The following SAMD4A variants were observed in gnomAD, a reference collection of about 807,000 sequenced individuals.
SAMD4A encodes sterile alpha motif domain containing 4A.
A neutral mutation model predicts 81.3 loss-of-function variants in SAMD4A; 33 were observed. That is an observed-to-expected ratio of 0.41 (90% CI 0.31 to 0.54). The LOEUF is 0.54. Ranked by LOEUF, SAMD4A falls within the 20% of genes least tolerant of loss-of-function variation. SAMD4A has a pLI of 0.37. For missense variants in SAMD4A, 854 were observed against 951.1 expected, an observed-to-expected ratio of 0.90 and a Z score of 1.34; for synonymous variants, 389 against 382.1, an observed-to-expected ratio of 1.02 and a Z score of -0.21.
intron 7 of SAMD4A, 128 bp downstream of exon 7, chr14:54,760,622 C>G (rs2038373050): frequency 7.5e-7 from 1 of 1,332,012 alleles, no homozygotes; most frequent in Non-Finnish European, 9.5e-7. Flanking sequence ...CTTCATCTTA[C>G]AGATAGGGAA....
chr14:54,776,390 T>C, intron 10 of SAMD4A, 24 bp from the exon 11 acceptor site: 1 of 1,584,342 alleles, frequency 6.3e-7, no homozygotes, highest in East Asian at 2.4e-5. Flanking sequence ...AACTAACAAG[T>C]TCCCCTTTTG....
At position 54,763,284 on chromosome 14, in the gene SAMD4A, G is replaced by A. The variant is rs1170643713; in HGVS notation, c.1511-1171G>A. On this transcript the variant is annotated intron_variant, in intron 7 of 12. Coordinates refer to ENST00000554335, the MANE Select transcript of SAMD4A (RefSeq NM_015589.6). Reference sequence around the variant, plus strand: ...AATCCCGGCACTTTGGGAGGCCAAAGTGAATCACTTGAGCCCAGGAGTTCA... The same window carrying A: ...AATCCCGGCACTTTGGGAGGCCAAAATGAATCACTTGAGCCCAGGAGTTCA... Among the ~76,000 whole-genome samples the A allele has an allele frequency of 3.3e-5, 5 of 151,986 alleles. No individual in the cohort carries two copies. In the East Asian group the frequency reaches 7.8e-4, roughly 24 times the overall value.
rs73273338 is a variant in SAMD4A at position 54,725,445 on chromosome 14, A to G, written c.716-11579A>G. On this transcript the variant is annotated intron_variant, in intron 3 of 12. Transcript: ENST00000554335. ...CAGAAGTTTGTCAGTATAGGTGAAG[A>G]TTTTGAAAGAGCAAGGTGAAGTTTC... Among the ~76,000 whole-genome samples the G allele has an allele frequency of 1.8e-3, 278 of 152,376 alleles. 1 individual carries two copies. Among genetic ancestry groups the G allele is most frequent in the African/African-American group, 6.3e-3 (262 of 41,598 alleles).
intron 6 of SAMD4A, among the ~76,000 whole-genome samples, chr14:54,754,254 C>T (rs1022545810): frequency 3.9e-5 from 6 of 152,184 alleles, no homozygotes; most frequent in African/African-American, 9.7e-5. Flanking sequence ...CCAGATTTTG[C>T]ACCTAGAATA....
Position 54,789,206 on chromosome 14 carries a change from A to C in SAMD4A, c.*262A>C. The C allele has an allele frequency of 5.5e-6, 2 of 365,590 alleles. No individual in the cohort carries two copies. Among genetic ancestry groups the C allele is most frequent in the African/African-American group, 2.2e-5 (1 of 45,472 alleles). The allele number at this position is 365,590 out of a possible 1,614,324, so 22.6% of individuals were successfully genotyped here. On this transcript the variant is annotated 3_prime_UTR_variant, in exon 13 of 13. Transcript: ENST00000554335. ...GGGGAGGGGTCTCTAGGGAATTATGAGACTGGGAGGGGGGTGGAGGGAATG... is the reference window on the plus strand; with the variant it reads ...GGGGAGGGGTCTCTAGGGAATTATGCGACTGGGAGGGGGGTGGAGGGAATG...
chr14:54,738,515 C>T (rs1242766796), intron 4 of SAMD4A, among the ~76,000 whole-genome samples: 1 of 152,154 alleles, frequency 6.6e-6, no homozygotes, highest in Non-Finnish European at 1.5e-5. Context: ...TGTCTTAATG[C>T]TGATACAAAT....
chr14:54,615,703 C>T (rs777435215), intron 2 of SAMD4A, among the ~76,000 whole-genome samples: 11 of 152,136 alleles, frequency 7.2e-5, no homozygotes, highest in East Asian at 1.9e-4. Flanking sequence ...TTAAATGAAC[C>T]GCATTTACTC....
chr14:54,698,477 G>T (rs2036629321), intron 2 of SAMD4A, among the ~76,000 whole-genome samples: 1 of 152,190 alleles, frequency 6.6e-6, no homozygotes, highest in East Asian at 1.9e-4. Flanking sequence ...GCCCATTTGT[G>T]CCCCTGTGCC....
chr14:54,740,621 C>A (rs115847138), intron 4 of SAMD4A, among the ~76,000 whole-genome samples: 176 of 152,302 alleles, frequency 1.2e-3, no homozygotes, highest in African/African-American at 4.1e-3. Context: ...GGCTACACAT[C>A]CTCCGTTAGG....
upstream of SAMD4A, among the ~76,000 whole-genome samples, chr14:54,566,211 C>A (rs1357951436): frequency 1.3e-5 from 2 of 151,306 alleles, no homozygotes; most frequent in Non-Finnish European, 3.0e-5. Context: ...GACGGCATGG[C>A]CCGCGGCCGG....
intron 5 of SAMD4A, 113 bp from the exon 6 acceptor site, chr14:54,751,338 C>T (rs573759912): frequency 3.0e-5 from 20 of 670,848 alleles, no homozygotes; most frequent in African/African-American, 7.3e-5. Context: ...TTGATCAGCC[C>T]GTGAACATAT....
intron 2 of SAMD4A, among the ~76,000 whole-genome samples, chr14:54,590,326 G>T (rs1296311005): frequency 6.6e-6 from 1 of 151,928 alleles, no homozygotes; most frequent in Non-Finnish European, 1.5e-5. Flanking sequence ...TCATCTCTAC[G>T]GAAAACAAAA....
chr14:54,583,614 T>G (rs1333205458), intron 2 of SAMD4A, among the ~76,000 whole-genome samples: 2 of 152,234 alleles, frequency 1.3e-5, no homozygotes, highest in African/African-American at 2.4e-5. Flanking sequence ...TTCTTTTCTC[T>G]GTAGTTGGCG....
intron 2 of SAMD4A, among the ~76,000 whole-genome samples, chr14:54,629,326 T>C (rs1377619487): frequency 6.6e-6 from 1 of 152,198 alleles, no homozygotes; most frequent in Non-Finnish European, 1.5e-5. Flanking sequence ...CCTGATTTGT[T>C]TTCAGAACTG....
chr14:54,590,672 G>C (rs753686145), intron 2 of SAMD4A, among the ~76,000 whole-genome samples: 12 of 152,082 alleles, frequency 7.9e-5, no homozygotes, highest in Non-Finnish European at 1.6e-4. Flanking sequence ...GTCCTTCTAG[G>C]GAGTGACATT....
At position 54,770,178 on chromosome 14, in the gene SAMD4A, T is replaced by A; in HGVS notation, c.1671T>A (p.Pro557=). 6.2e-7 allele frequency: 1 copy of A among 1,614,046 alleles called. No individual in the cohort carries two copies. The highest frequency in any genetic ancestry group is 8.5e-7 in the Non-Finnish European group (1 of 1,179,860). The change falls in exon 9 of 13, where the codon CCT becomes CCA. Residue 557 remains proline, a synonymous_variant. Coordinates refer to ENST00000554335, the MANE Select transcript of SAMD4A (RefSeq NM_015589.6). ...QQVQKLFRSF[P]RKTLLDISGY... ...TGCAGAAGCTCTTTCGGTCTTTCCC[T>A]CGGAAAACCCTTCTAGACATATCAG... is the stretch of plus-strand genomic sequence containing the variant.
chr14:54,789,220 G>A lies in SAMD4A; in HGVS notation c.*276G>A, dbSNP rs950224387. 1.2e-5 allele frequency: 6 copies of A among 513,104 alleles called. No homozygotes were observed. Among genetic ancestry groups the A allele is most frequent in the Non-Finnish European group, 2.1e-5 (6 of 283,548 alleles). 31.8% of individuals were successfully genotyped at this position (513,104 alleles called of 1,614,324 possible). A position where few individuals can be genotyped will look rare whatever the true frequency, so the allele number is the denominator to read the frequency against. ...AGGGAATTATGAGACTGGGAGGGGG[G>A]TGGAGGGAATGCAGGTAGCTCTCTG... is the stretch of plus-strand genomic sequence containing the variant. On this transcript the variant is annotated 3_prime_UTR_variant, in exon 13 of 13. Transcript: ENST00000554335.
intron 2 of SAMD4A, among the ~76,000 whole-genome samples, chr14:54,572,340 A>G (rs1451937984): frequency 6.6e-6 from 1 of 152,166 alleles, no homozygotes; most frequent in Admixed American, 6.5e-5. Flanking sequence ...TGAGGGGCGA[A>G]TAGGAGTTGG....
intron 2 of SAMD4A, chr14:54,693,132 G>T (rs989912984): frequency 3.3e-5 from 5 of 152,092 alleles, no homozygotes; most frequent in African/African-American, 9.7e-5. Context: ...TGAAAAGGGG[G>T]GGGTAGTAAA....
Sources: gnomAD v4.1 joint callset for allele counts (sites outside exome capture counted in the v4.1 genomes callset) on GRCh38, gnomAD v4.1.1 for gene constraint, MANE v1.5 for transcripts, NCBI Gene and HGNC (gene_info 2026-07-23, HGNC 2026-07-21) for gene names.